The following PROM1 variants were observed in gnomAD, a reference collection of about 807,000 sequenced individuals.
PROM1 encodes prominin 1.
A neutral mutation model predicts 116.9 loss-of-function variants in PROM1; 105 were observed. The ratio of observed to expected loss-of-function variants is 0.90; its 90% CI spans 0.77 to 1.06. The LOEUF (loss-of-function observed/expected upper bound fraction) is 1.06. Among genes scored for constraint, PROM1 ranks in the 50% least tolerant of loss-of-function variants. PROM1 has a pLI of 0.00. For synonymous variants in PROM1, 393 were observed against 387.0 expected, an observed-to-expected ratio of 1.02 and a Z score of -0.18; for missense variants, 1,122 against 1,045.2, an observed-to-expected ratio of 1.07 and a Z score of -1.01.
intron 15 of PROM1, among the ~76,000 whole-genome samples, chr4:15,997,987 T>C (rs1426741522): frequency 6.6e-6 from 1 of 152,196 alleles, no homozygotes; most frequent in Non-Finnish European, 1.5e-5. Flanking sequence ...CAGACAGCTC[T>C]CCAACTGCAT....
At chr4:16,013,240 C>A (rs1394485633) in intron 11 of PROM1, 35 bp downstream of exon 11, 3 of 1,544,934 alleles carry the variant, frequency 1.9e-6, no homozygotes, top group Admixed American at 1.7e-5. Context: ...TACTGACCTA[C>A]CAATCACAAA....
At chr4:15,987,271 G>A (rs912172457) in intron 20 of PROM1, among the ~76,000 whole-genome samples, 3 of 152,176 alleles carry the variant, frequency 2.0e-5, no homozygotes, top group Non-Finnish European at 4.4e-5. Context: ...CCTTCAGGCC[G>A]GGTCTCTCAA....
intron 1 of PROM1, among the ~76,000 whole-genome samples, chr4:16,081,580 G>A (rs1386404873): frequency 1.3e-5 from 2 of 152,160 alleles, no homozygotes; most frequent in African/African-American, 4.8e-5. Context: ...CCATCAGAGT[G>A]AACAGGCAAC....
intron 2 of PROM1, among the ~76,000 whole-genome samples, chr4:16,070,793 C>A (rs1488450845): frequency 6.6e-6 from 1 of 152,170 alleles, no homozygotes; most frequent in African/African-American, 2.4e-5. Context: ...GAACACGGCC[C>A]ACTTAACCTC....
At chr4:16,020,976 T>C (rs1041632899) in intron 8 of PROM1, among the ~76,000 whole-genome samples, 4 of 151,994 alleles carry the variant, frequency 2.6e-5, no homozygotes, top group Non-Finnish European at 4.4e-5. Flanking sequence ...TGCCAGCCCA[T>C]AGTATATTTC....
Position 16,009,067 on chromosome 4 carries a change from T to A in PROM1, c.1183A>T (p.Asn395Tyr). 1 of 1,612,166 alleles carries A rather than the reference T, an allele frequency of 6.2e-7. No homozygotes were observed. The highest frequency in any genetic ancestry group is 8.5e-7 in the Non-Finnish European group (1 of 1,178,420). ...TGAATAGGAAGACGCTGAGTTACAT[T>A]GTCGATATCTGAACCAATGGAATTC... ...VLNSIGSDID[N>Y]VTQRLPIQDI... The change falls in exon 12 of 28, where the codon AAT becomes TAT. Residue 395 changes from asparagine to tyrosine, a missense_variant. By Grantham distance (143) the Asn-to-Tyr change is moderately radical. Coordinates refer to ENST00000447510, the MANE Select transcript of PROM1 (RefSeq NM_006017.3).
chr4:15,993,454 T>C (rs1354249264), intron 16 of PROM1, among the ~76,000 whole-genome samples: 1 of 152,158 alleles, frequency 6.6e-6, no homozygotes, highest in Non-Finnish European at 1.5e-5. Context: ...GACTCAAGAC[T>C]GGGGTGTGGG....
At chr4:16,024,190 C>A in intron 7 of PROM1, 105 bp downstream of exon 7, 1 of 1,013,664 alleles carries the variant, frequency 9.9e-7, no homozygotes. Flanking sequence ...AATCATCTTT[C>A]TGTCTTCCCC....
At chr4:16,078,347 C>A (rs994337424) in intron 1 of PROM1, 18 of 152,430 alleles carry the variant, frequency 1.2e-4, no homozygotes, top group African/African-American at 3.8e-4. Context: ...ATGCATGTAA[C>A]CTGCCTGCAG....
chr4:16,065,204 G>A (rs1241611700), intron 2 of PROM1, among the ~76,000 whole-genome samples: 1 of 152,162 alleles, frequency 6.6e-6, no homozygotes, highest in African/African-American at 2.4e-5. Flanking sequence ...GAGCCTGCAT[G>A]CCATATGCCT....
chr4:15,973,354 C>T (rs1462052618), intron 26 of PROM1, among the ~76,000 whole-genome samples: 1 of 152,036 alleles, frequency 6.6e-6, no homozygotes, highest in Non-Finnish European at 1.5e-5. Context: ...GGCTGAAGCA[C>T]AAGAATCGCT....
chr4:16,054,009 G>A (rs1371306972), intron 2 of PROM1, among the ~76,000 whole-genome samples: 14 of 152,202 alleles, frequency 9.2e-5, no homozygotes, highest in African/African-American at 2.9e-4. Context: ...CAGGAGAATC[G>A]CTTGAACCTG....
Position 16,018,179 on chromosome 4 carries a change from A to G in PROM1, c.1002+144T>C, listed in dbSNP as rs560614899. On this transcript the variant is annotated intron_variant, in intron 9 of 27. Transcript: ENST00000447510. ...GTGGTCATTCCAATATGGTGATCAA[A>G]TGACTCAAGAAGGCTGATAGAGGCC... 17 of 712,088 alleles carry G rather than the reference A, an allele frequency of 2.4e-5. No homozygotes were observed. The East Asian group carries it at 4.4e-4, about 18-fold the overall frequency. 44.1% of individuals were successfully genotyped at this position (712,088 alleles called of 1,614,324 possible). A position where few individuals can be genotyped will look rare whatever the true frequency, so the allele number is the denominator to read the frequency against.
At chr4:16,077,036 G>C (rs527365134) in intron 1 of PROM1, among the ~76,000 whole-genome samples, 115 of 152,338 alleles carry the variant, frequency 7.5e-4, no homozygotes, top group Non-Finnish European at 1.4e-3. Context: ...CTGAAATATG[G>C]CCTCGTGGGA....
At chr4:15,988,121 C>T (rs1719959932) in intron 19 of PROM1, among the ~76,000 whole-genome samples, 1 of 152,138 alleles carries the variant, frequency 6.6e-6, no homozygotes, top group Admixed American at 6.5e-5. Context: ...GGTGATCCAC[C>T]CGCCTCGGCC....
At chr4:16,055,887 T>C (rs888930212) in intron 2 of PROM1, among the ~76,000 whole-genome samples, 1 of 152,132 alleles carries the variant, frequency 6.6e-6, no homozygotes, top group Non-Finnish European at 1.5e-5. Flanking sequence ...AAAAGAATCC[T>C]AAACACAAAC....
chr4:16,019,267 T>G (rs1729216690), intron 8 of PROM1, among the ~76,000 whole-genome samples: 2 of 152,368 alleles, frequency 1.3e-5, no homozygotes, highest in South Asian at 4.1e-4. Flanking sequence ...TTCTCAACTT[T>G]ATGTTAGTGG....
At chr4:16,056,631 G>C (rs1739087380) in intron 2 of PROM1, among the ~76,000 whole-genome samples, 1 of 151,486 alleles carries the variant, frequency 6.6e-6, no homozygotes, top group South Asian at 2.1e-4. Flanking sequence ...TTGAGCAAAG[G>C]CTGGAAAGAA....
chr4:16,005,663 G>C (rs1374903551), intron 13 of PROM1, among the ~76,000 whole-genome samples: 2 of 152,120 alleles, frequency 1.3e-5, no homozygotes, highest in Non-Finnish European at 2.9e-5. Context: ...ATAAATGAGA[G>C]AACACGACTC....
Sources: allele counts gnomAD v4.1 joint callset (sites outside exome capture counted in the v4.1 genomes callset), GRCh38; gene constraint gnomAD v4.1.1; transcripts MANE v1.5; gene names NCBI Gene and HGNC (gene_info 2026-07-23, HGNC 2026-07-21).